PLXNA2: variants seen among roughly 807,000 people sequenced by gnomAD.
The protein encoded by PLXNA2 is plexin-A2.
PLXNA2 carries 91 observed loss-of-function variants against 193.5 expected under a neutral mutation model. That is an observed-to-expected ratio of 0.47 (90% CI 0.40 to 0.56). PLXNA2 has a LOEUF of 0.56. Ranked by LOEUF, PLXNA2 falls within the 20% of genes least tolerant of loss-of-function variation. The probability of loss-of-function intolerance (pLI) is 0.00; values close to 1 mark genes in which losing one functional copy is unlikely to be tolerated. For synonymous variants in PLXNA2, 997 were observed against 1,027.3 expected, an observed-to-expected ratio of 0.97 and a Z score of 0.56; for missense variants, 1,995 against 2,503.2, an observed-to-expected ratio of 0.80 and a Z score of 4.33.
At chr1:208,229,588 T>C (rs1671622244) in intron 1 of PLXNA2, among the ~76,000 whole-genome samples, 1 of 152,194 alleles carries the variant, frequency 6.6e-6, no homozygotes, top group Non-Finnish European at 1.5e-5. Context: ...GTAAATGATT[T>C]AGGAAGGATC....
In PLXNA2 at chr1:208,044,324, A is replaced by G. The variant is rs1049492575; in HGVS notation, c.3874+184T>C. On this transcript the variant is annotated intron_variant, in intron 20 of 31. Coordinates refer to ENST00000367033, the MANE Select transcript of PLXNA2 (RefSeq NM_025179.4). This position sits in a 1 kb window ranked among gnomAD's most constrained non-coding sequence, Gnocchi z 4.9. ...GGACCTGGGTCCTCATGCAGTGGGCATTCTTCATTGGACATCTCTGACCCT... is the reference window on the plus strand; with the variant it reads ...GGACCTGGGTCCTCATGCAGTGGGCGTTCTTCATTGGACATCTCTGACCCT... Among the ~76,000 whole-genome samples the G allele has an allele frequency of 6.6e-6, 1 of 152,250 alleles. No individual in the cohort carries two copies. Among genetic ancestry groups the G allele is most frequent in the Admixed American group, 6.5e-5 (1 of 15,290 alleles).
intron 5 of PLXNA2, among the ~76,000 whole-genome samples, chr1:208,102,882 G>A (rs1386233209): frequency 6.6e-6 from 1 of 152,170 alleles, no homozygotes; most frequent in Non-Finnish European, 1.5e-5. Flanking sequence ...AAAGACACAA[G>A]GATATAAGCA....
chr1:208,195,237 C>T (rs2102572132), intron 3 of PLXNA2, among the ~76,000 whole-genome samples: 1 of 152,328 alleles, frequency 6.6e-6, no homozygotes, highest in African/African-American at 2.4e-5. Flanking sequence ...CTCACCTTCT[C>T]CTTCTGATTG....
rs772441946 is a variant in PLXNA2 at position 208,028,154 on chromosome 1, T to A, written c.5444A>T (p.Tyr1815Phe). The change falls in exon 31 of 32, where the codon TAC becomes TTC. Residue 1815 changes from tyrosine to phenylalanine, a missense_variant. Tyr to Phe is a conservative substitution (Grantham distance 22). Coordinates refer to ENST00000367033, the MANE Select transcript of PLXNA2 (RefSeq NM_025179.4). This position sits in a 1 kb window ranked among gnomAD's most constrained non-coding sequence, Gnocchi z 4.2. Reference protein sequence around the residue: ...PSYKSWVERYYADIAKLPAIS... With the variant: ...PSYKSWVERYFADIAKLPAIS... ...GGCTGGGAGCTTGGCGATGTCTGCG[T>A]AGTATCTGCCAGAGACAGGATAGGC... 6.2e-7 allele frequency: 1 copy of A among 1,611,054 alleles called. No homozygotes were observed. The highest frequency in any genetic ancestry group is 8.5e-7 in the Non-Finnish European group (1 of 1,178,480).
chr1:208,205,372 G>A (rs1204262310), intron 3 of PLXNA2, among the ~76,000 whole-genome samples: 1 of 152,184 alleles, frequency 6.6e-6, no homozygotes, highest in Admixed American at 6.5e-5. Context: ...AGGATAACCT[G>A]CTTTTCCCTC....
In PLXNA2 at chr1:208,217,997, A is replaced by G; in HGVS notation, c.-75T>C. 1 of 1,562,602 alleles carries G rather than the reference A, an allele frequency of 6.4e-7. No homozygotes were observed. The highest frequency in any genetic ancestry group is 8.6e-7 in the Non-Finnish European group (1 of 1,161,004). ...TCCACCTTCCCCGGTTGGCCCTCACATGATTCTGCAAAACACAAGGCAGAG... is the reference window on the plus strand; with the variant it reads ...TCCACCTTCCCCGGTTGGCCCTCACGTGATTCTGCAAAACACAAGGCAGAG... On this transcript the variant is annotated 5_prime_UTR_variant, in exon 2 of 32. It removes an upstream start codon present in the reference 5' UTR. Coordinates refer to ENST00000367033, the MANE Select transcript of PLXNA2 (RefSeq NM_025179.4). The surrounding 1 kb of genome is among the most constrained non-coding windows in gnomAD (Gnocchi z 4.7).
rs955891158 is a variant in PLXNA2 at position 208,168,405 on chromosome 1, G to A, written c.1372-25942C>T. On this transcript the variant is annotated intron_variant, in intron 3 of 31. Coordinates refer to ENST00000367033, the MANE Select transcript of PLXNA2 (RefSeq NM_025179.4). ...CAGGTGCTGATCTGTTTTGTTCACTGATGTATTCCTAACATCTAGGAGGGT... is the reference window on the plus strand; with the variant it reads ...CAGGTGCTGATCTGTTTTGTTCACTAATGTATTCCTAACATCTAGGAGGGT... 2.0e-5 allele frequency among the ~76,000 whole-genome samples: 3 copies of A among 152,178 alleles called. No individual in the cohort carries two copies. In the East Asian group the frequency reaches 5.8e-4, roughly 29 times the overall value.
At chr1:208,136,778 G>A (rs1449808857) in intron 4 of PLXNA2, among the ~76,000 whole-genome samples, 1 of 152,226 alleles carries the variant, frequency 6.6e-6, no homozygotes, top group East Asian at 1.9e-4. Context: ...GCCACTGCCT[G>A]AAACTGGGAA....
intron 1 of PLXNA2, among the ~76,000 whole-genome samples, chr1:208,231,497 C>T (rs1378226067): frequency 6.6e-6 from 1 of 152,182 alleles, no homozygotes. Context: ...CTCCCCTCCA[C>T]ACGCCTGCGA....
chr1:208,152,867 C>T (rs4844411), intron 3 of PLXNA2, among the ~76,000 whole-genome samples: 31,662 of 144,830 alleles, frequency 0.22, 4,158 homozygotes, highest in East Asian at 0.59. Context: ...ATTTATTCTA[C>T]CTCCTAGATC....
chr1:208,071,378 C>T lies in PLXNA2; in HGVS notation c.2586+7882G>A, dbSNP rs141945662. Reference sequence around the variant, plus strand: ...ACAGCTTCTCCTCTCTTTCCTAATCCTCTCACTCCTTTGACTTTACAGGGC... The same window carrying T: ...ACAGCTTCTCCTCTCTTTCCTAATCTTCTCACTCCTTTGACTTTACAGGGC... On this transcript the variant is annotated intron_variant, in intron 12 of 31. Transcript: ENST00000367033. 7.0e-3 allele frequency among the ~76,000 whole-genome samples: 1,070 copies of T among 152,364 alleles called. 11 individuals are homozygous for T. Among genetic ancestry groups the T allele is most frequent in the African/African-American group, 0.023 (955 of 41,578 alleles).
chr1:208,133,330 C>T (rs1055947383), intron 4 of PLXNA2, among the ~76,000 whole-genome samples: 1 of 152,170 alleles, frequency 6.6e-6, no homozygotes, highest in African/African-American at 2.4e-5. Context: ...TTGCGCTTCT[C>T]CAGAATTTGA....
chr1:208,120,634 T>C (rs1470426320), intron 4 of PLXNA2, among the ~76,000 whole-genome samples: 2 of 152,214 alleles, frequency 1.3e-5, no homozygotes, highest in African/African-American at 4.8e-5. Context: ...CAGCCCCTAC[T>C]TGCCCCTCAG....
chr1:208,036,062 G>A (rs866965967), intron 26 of PLXNA2, among the ~76,000 whole-genome samples: 4 of 152,196 alleles, frequency 2.6e-5, no homozygotes, highest in African/African-American at 7.2e-5. Flanking sequence ...AAGGTCCTGT[G>A]CCTGGAAGGT....
intron 17 of PLXNA2, 137 bp downstream of exon 17, chr1:208,050,872 C>T: frequency 1.5e-6 from 1 of 651,124 alleles, no homozygotes; most frequent in South Asian, 1.9e-5. Context: ...GACCATGATT[C>T]CAGGCTCAGA....
intron 3 of PLXNA2, among the ~76,000 whole-genome samples, chr1:208,181,449 A>G (rs1669839538): frequency 6.6e-6 from 1 of 152,200 alleles, no homozygotes; most frequent in Non-Finnish European, 1.5e-5. Flanking sequence ...CTAGCTCAGG[A>G]GATGAAAGTC....
chr1:208,109,077 G>A (rs180776345), intron 4 of PLXNA2, among the ~76,000 whole-genome samples: 14 of 152,268 alleles, frequency 9.2e-5, no homozygotes, highest in Admixed American at 6.5e-4. Flanking sequence ...GTCCTCACAC[G>A]TGTCCCCTGC....
intron 9 of PLXNA2, among the ~76,000 whole-genome samples, chr1:208,090,793 C>T (rs778039376): frequency 6.6e-6 from 1 of 152,158 alleles, no homozygotes; most frequent in Non-Finnish European, 1.5e-5. Context: ...TTCAAAGTGG[C>T]CCATGTCAAG....
rs1222971136 is a variant in PLXNA2 at position 208,033,351 on chromosome 1, C to T, written c.5023G>A (p.Glu1675Lys). ...GCCAGTAGCCGGGTCAGGTAGATCT[C>T]GGACACCATCTTGCTGCCCCGGTCA... Reference protein sequence around the residue: ...EGDRGSKMVSEIYLTRLLATK... With the variant: ...EGDRGSKMVSKIYLTRLLATK... Residue 1675 changes from glutamate to lysine, a missense_variant, in exon 28 of 32, where the codon GAG becomes AAG. By Grantham distance (56) the Glu-to-Lys change is moderately conservative. Coordinates refer to ENST00000367033, the MANE Select transcript of PLXNA2 (RefSeq NM_025179.4). The T allele has an allele frequency of 4.3e-6, 7 of 1,613,810 alleles. No homozygotes were observed. The highest frequency in any genetic ancestry group is 2.2e-5 in the East Asian group (1 of 44,868).
Sources: allele counts gnomAD v4.1 joint callset (sites outside exome capture counted in the v4.1 genomes callset), GRCh38; gene constraint gnomAD v4.1.1; non-coding constraint Gnocchi (gnomAD v3.1); transcripts MANE v1.5; gene names NCBI Gene and HGNC (gene_info 2026-07-23, HGNC 2026-07-21).